CHD1: variants seen among roughly 807,000 people sequenced by gnomAD.
CHD1 encodes ATP-dependent chromatin remodeler CHD1.
CHD1 carries 36 observed loss-of-function variants against 224.2 expected under a neutral mutation model. The observed-to-expected ratio is 0.16, with a 90% CI of 0.12 to 0.21. The LOEUF (loss-of-function observed/expected upper bound fraction) is 0.21, where lower values mean the gene tolerates loss of function less well. Ranked by LOEUF, CHD1 falls within the 10% of genes least tolerant of loss-of-function variation. The pLI is 1.00. For missense variants in CHD1, 1,378 were observed against 1,994.8 expected, an observed-to-expected ratio of 0.69 and a Z score of 5.89; for synonymous variants, 668 against 658.3, an observed-to-expected ratio of 1.01 and a Z score of -0.23.
At chr5:98,928,084 C>G (rs569521312) in intron 1 of CHD1, among the ~76,000 whole-genome samples, 1 of 152,116 alleles carries the variant, frequency 6.6e-6, no homozygotes, top group Admixed American at 6.5e-5. Context: ...CCCCCCTCTC[C>G]CAGGGCCTCC....
At chr5:98,905,289 A>G (rs1289656243) in intron 2 of CHD1, among the ~76,000 whole-genome samples, 191 bp from the exon 3 acceptor site, 2 of 152,180 alleles carry the variant, frequency 1.3e-5, no homozygotes, top group Non-Finnish European at 2.9e-5. Flanking sequence ...ATTTATTTAT[A>G]CGTGATAGAT....
intron 2 of CHD1, among the ~76,000 whole-genome samples, chr5:98,911,175 A>ATATATATATATAT (rs1554081101): frequency 2.9e-5 from 4 of 138,544 alleles, no homozygotes; most frequent in African/African-American, 1.1e-4. Context: ...ATATATATAT[A>ATATATATATATAT]TAGAGGCATG....
In CHD1 at chr5:98,858,168, T is replaced by TGC. The variant is rs1385919855; in HGVS notation, c.4787+10_4787+11dup. 1 of 1,609,662 alleles carries TGC rather than the reference T, an allele frequency of 6.2e-7. No homozygotes were observed. Among genetic ancestry groups the TGC allele is most frequent in the Admixed American group, 1.7e-5 (1 of 59,774 alleles). ...GCATAAGCAAAATTTCTAAAGTGAC[T>TGC]GCCAAGTTTACCTGCTGTCTTGCTT... is the stretch of plus-strand genomic sequence containing the variant. On this transcript the variant is annotated intron_variant, in intron 35 of 35. Coordinates refer to ENST00000614616, the MANE Select transcript of CHD1 (RefSeq NM_001270.4).
At chr5:98,873,517 T>C in intron 26 of CHD1, 76 bp downstream of exon 26, 1 of 1,118,980 alleles carries the variant, frequency 8.9e-7, no homozygotes. Context: ...ATTTAAGATA[T>C]AATATCTAGC....
intron 15 of CHD1, chr5:98,889,700 T>C (rs2112454928): frequency 6.6e-6 from 1 of 152,536 alleles, no homozygotes; most frequent in South Asian, 2.1e-4. Context: ...TGGTGATATT[T>C]TACTACTCCA....
intron 26 of CHD1, among the ~76,000 whole-genome samples, chr5:98,873,011 A>G (rs777105976): frequency 5.9e-5 from 9 of 152,078 alleles, no homozygotes; most frequent in Non-Finnish European, 1.3e-4. Context: ...CATTTTTCTT[A>G]GAGACAGGGT....
chr5:98,910,880 AC>A (rs2112580539), intron 2 of CHD1, among the ~76,000 whole-genome samples: 1 of 151,886 alleles, frequency 6.6e-6, no homozygotes, highest in Non-Finnish European at 1.5e-5. Context: ...AAATAGTGAT[AC>A]AAAAAAAAAT....
At chr5:98,919,493 A>G (rs1752953716) in intron 2 of CHD1, among the ~76,000 whole-genome samples, 1 of 152,214 alleles carries the variant, frequency 6.6e-6, no homozygotes, top group Admixed American at 6.5e-5. Flanking sequence ...TACTGTATGT[A>G]AACACCGTAT....
intron 23 of CHD1, among the ~76,000 whole-genome samples, 196 bp from the exon 24 acceptor site, chr5:98,876,754 CATT>C (rs1201066521): frequency 6.6e-6 from 1 of 152,150 alleles, no homozygotes; most frequent in African/African-American, 2.4e-5. Context: ...GGTAATCAGA[CATT>C]ATATCAAAAG....
intron 32 of CHD1, 172 bp from the exon 33 acceptor site, chr5:98,860,240 T>A: frequency 1.7e-6 from 1 of 601,978 alleles, no homozygotes; most frequent in South Asian, 1.6e-5. Flanking sequence ...ACTTCATATA[T>A]GACTAAGACT....
chr5:98,884,268 G>A (rs1750477443), intron 18 of CHD1, among the ~76,000 whole-genome samples: 1 of 151,800 alleles, frequency 6.6e-6, no homozygotes, highest in South Asian at 2.1e-4. Context: ...TAGAGATGGG[G>A]TTTCACTGTG....
At chr5:98,919,109 A>G (rs1189719109) in intron 2 of CHD1, among the ~76,000 whole-genome samples, 1 of 152,210 alleles carries the variant, frequency 6.6e-6, no homozygotes, top group Non-Finnish European at 1.5e-5. Context: ...CTTCATATAC[A>G]TGCATATGAA....
At chr5:98,867,324 C>T (rs1272807164) in intron 31 of CHD1, among the ~76,000 whole-genome samples, 1 of 152,146 alleles carries the variant, frequency 6.6e-6, no homozygotes, top group Non-Finnish European at 1.5e-5. Flanking sequence ...CAGTCCAAAA[C>T]AACATCGGTA....
intron 19 of CHD1, among the ~76,000 whole-genome samples, 189 bp from the exon 20 acceptor site, chr5:98,882,312 C>T (rs1750249484): frequency 1.3e-5 from 2 of 150,790 alleles, no homozygotes; most frequent in African/African-American, 4.9e-5. Flanking sequence ...TATTTTGAAA[C>T]TATATCCTTC....
At chr5:98,861,286 AGG>A (rs1365112065) in intron 32 of CHD1, among the ~76,000 whole-genome samples, 2 of 152,248 alleles carry the variant, frequency 1.3e-5, no homozygotes, top group African/African-American at 2.4e-5. Context: ...TACTATTAAA[AGG>A]ATCAGCTAGA....
chr5:98,881,219 T>TG (rs1750152366), intron 21 of CHD1, 48 bp from the exon 22 acceptor site: 2 of 1,380,318 alleles, frequency 1.4e-6, no homozygotes, highest in Non-Finnish European at 2.0e-6. Flanking sequence ...CCTTTCATCC[T>TG]GTCAAATATA....
At position 98,873,691 on chromosome 5, in the gene CHD1, A is replaced by G. The variant is rs370712441; in HGVS notation, c.3473T>C (p.Val1158Ala). ...TCTAAGGTCTGTTTCTGACTTATCAACTAACTCAGCATCTCGAGCAATTGC... is the reference window on the plus strand; with the variant it reads ...TCTAAGGTCTGTTTCTGACTTATCAGCTAACTCAGCATCTCGAGCAATTGC... Reference protein sequence around the residue: ...LDAIARDAELVDKSETDLRRL... With the variant: ...LDAIARDAELADKSETDLRRL... Residue 1158 changes from valine (V) to alanine (A), a missense_variant, in exon 26 of 36, where the codon GTT (valine) becomes GCT (alanine). Physicochemically the swap from Val to Ala is moderately conservative, Grantham distance 64. This residue lies in a region of CHD1 where 286 missense variants were observed against 445.1 expected (regional missense o/e 0.64). Coordinates refer to ENST00000614616, the MANE Select transcript of CHD1 (RefSeq NM_001270.4). 6.2e-7 allele frequency: 1 copy of G among 1,610,372 alleles called. No individual in the cohort carries two copies. The highest frequency in any genetic ancestry group is 1.3e-5 in the African/African-American group (1 of 74,772).
chr5:98,906,280 T>C (rs899552993), intron 2 of CHD1, among the ~76,000 whole-genome samples: 1 of 152,172 alleles, frequency 6.6e-6, no homozygotes, highest in African/African-American at 2.4e-5. Context: ...ATTTGCTTCT[T>C]AAAGGCATAT....
chr5:98,915,824 C>T (rs1334704940), intron 2 of CHD1, among the ~76,000 whole-genome samples: 1 of 152,114 alleles, frequency 6.6e-6, no homozygotes, highest in Non-Finnish European at 1.5e-5. Flanking sequence ...CATTTTACTA[C>T]TGTCAGTACT....
Sources: allele counts gnomAD v4.1 joint callset (sites outside exome capture counted in the v4.1 genomes callset), GRCh38; gene constraint gnomAD v4.1.1; regional missense constraint gnomAD v4.1.1; transcripts MANE v1.5; gene names NCBI Gene and HGNC (gene_info 2026-07-23, HGNC 2026-07-21).